The following SPNS2 variants were observed in gnomAD, a reference collection of about 807,000 sequenced individuals.
The protein encoded by SPNS2 is sphingosine-1-phosphate transporter SPNS2.
SPNS2 carries 37 observed loss-of-function variants against 57.6 expected under a neutral mutation model. The ratio of observed to expected loss-of-function variants is 0.64; its 90% confidence interval spans 0.49 to 0.85. The LOEUF (loss-of-function observed/expected upper bound fraction) is 0.85, where lower values mean the gene tolerates loss of function less well. Ranked by LOEUF, SPNS2 falls within the 40% of genes least tolerant of loss-of-function variation. The pLI is 0.00. For synonymous variants in SPNS2, 440 were observed against 346.9 expected (o/e 1.27, Z -2.98); for missense variants, 831 against 779.1 (o/e 1.07, Z -0.79).
rs538288530 is a variant in SPNS2, at chr17:4,500,003, G to GGGA, written c.370+589_370+591dup. Among the ~76,000 whole-genome samples the GGGA allele has an allele frequency of 3.2e-4, 48 of 152,328 alleles. No homozygotes were observed. The South Asian group carries it at 8.7e-3, about 28-fold the overall frequency. On this transcript the variant is annotated intron_variant, in intron 1 of 12. Coordinates refer to ENST00000329078, the MANE Select transcript of SPNS2 (RefSeq NM_001124758.3). Reference sequence around the variant, plus strand: ...AAGGCTCCGGGCTGCGGGGAGCGGAGGGAGGGGCGGGGCGGGTCCGCGGCG... The same window carrying GGGA: ...AAGGCTCCGGGCTGCGGGGAGCGGAGGGAGGAGGGGCGGGGCGGGTCCGCGGCG...
rs1904359026 is a variant in SPNS2 at position 4,499,007 on chromosome 17, C to T, written c.-41C>T. 1.0e-6 allele frequency: 1 copy of T among 982,608 alleles called. No homozygotes were observed. The highest frequency in any genetic ancestry group is 4.7e-5 in the South Asian group (1 of 21,302). The allele number at this position is 982,608 out of a possible 1,614,324, so 60.9% of individuals were successfully genotyped here. ...GCGCTGAGCGGGCCCAGCCTGGGCC[C>T]CGCGCCCCCCGCGCCCCCCGCCGCC... On this transcript the variant is annotated 5_prime_UTR_variant, in exon 1 of 13. Transcript: ENST00000329078. This position sits in a 1 kb window ranked among gnomAD's most constrained non-coding sequence, Gnocchi z 5.2.
intron 5 of SPNS2, 39 bp from the exon 6 acceptor site, chr17:4,532,503 C>T (rs1905533675): frequency 6.2e-7 from 1 of 1,613,962 alleles, no homozygotes; most frequent in Non-Finnish European, 8.5e-7. Context: ...GGACGAGGCT[C>T]ACTGGGCCCT....
chr17:4,514,294 T>G (rs552398668), intron 2 of SPNS2, among the ~76,000 whole-genome samples: 17 of 152,188 alleles, frequency 1.1e-4, no homozygotes, highest in Non-Finnish European at 2.4e-4. Flanking sequence ...CCCCGTCAGA[T>G]GCAGGATGAG....
chr17:4,516,309 A>G (rs1361787689), intron 2 of SPNS2, among the ~76,000 whole-genome samples: 23 of 105,850 alleles, frequency 2.2e-4, no homozygotes, highest in African/African-American at 7.5e-4. Context: ...GTGAGACTCT[A>G]TCTCCCCAAA....
intron 1 of SPNS2, among the ~76,000 whole-genome samples, chr17:4,507,300 C>T (rs185580301): frequency 6.6e-6 from 1 of 152,350 alleles, no homozygotes; most frequent in Admixed American, 6.5e-5. Context: ...TTTCAGATTG[C>T]TAGGCCCTGT....
At chr17:4,531,004 T>C in intron 4 of SPNS2, 49 bp from the exon 5 acceptor site, 1 of 1,603,390 alleles carries the variant, frequency 6.2e-7, no homozygotes, top group Non-Finnish European at 8.5e-7. Context: ...GCACTCCCTG[T>C]CCCCAGCCCC....
Position 4,499,602 on chromosome 17 carries a change from A to G in SPNS2, c.370+185A>G, listed in dbSNP as rs540012168. ...GGATGCCTCCGTGCACCACGGGTACAATCCAGCTCCCCGCTCATACACACC... is the reference window on the plus strand; with the variant it reads ...GGATGCCTCCGTGCACCACGGGTACGATCCAGCTCCCCGCTCATACACACC... On this transcript the variant is annotated intron_variant, in intron 1 of 12. Coordinates refer to ENST00000329078, the MANE Select transcript of SPNS2 (RefSeq NM_001124758.3). This position sits in a 1 kb window ranked among gnomAD's most constrained non-coding sequence, Gnocchi z 5.2. 9.5e-6 allele frequency: 4 copies of G among 418,894 alleles called. No individual in the cohort carries two copies. In the Admixed American group the frequency reaches 1.8e-4, roughly 19 times the overall value. 25.9% of individuals were successfully genotyped at this position (418,894 alleles called of 1,614,324 possible). A position where few individuals can be genotyped will look rare whatever the true frequency, so the allele number is the denominator to read the frequency against.
intron 10 of SPNS2, 37 bp downstream of exon 10, chr17:4,536,211 T>TG (rs768362904): frequency 1.6e-5 from 26 of 1,608,304 alleles, no homozygotes; most frequent in East Asian, 4.5e-5. Context: ...CAGGGCAGGC[T>TG]GGGGGACTGC....
chr17:4,538,783 G>A lies in SPNS2; in HGVS notation c.*1335G>A, dbSNP rs192253701. On this transcript the variant is annotated 3_prime_UTR_variant, in exon 13 of 13. Coordinates refer to ENST00000329078, the MANE Select transcript of SPNS2 (RefSeq NM_001124758.3). ...CACCCACCAAGCTCTGGGGTACCCCGAGGGCCTGACAAGAGGATGGGGTGG... is the reference window on the plus strand; with the variant it reads ...CACCCACCAAGCTCTGGGGTACCCCAAGGGCCTGACAAGAGGATGGGGTGG... 2,340 of 745,386 alleles carry A rather than the reference G, an allele frequency of 3.1e-3. 33 individuals are homozygous for A. The highest frequency in any genetic ancestry group is 0.024 in the South Asian group (1,718 of 70,348). 46.2% of individuals were successfully genotyped at this position (745,386 alleles called of 1,614,324 possible). A position where few individuals can be genotyped will look rare whatever the true frequency, so the allele number is the denominator to read the frequency against.
At chr17:4,526,611 AAAAAAG>A (rs1905268968) in intron 3 of SPNS2, among the ~76,000 whole-genome samples, 1 of 152,018 alleles carries the variant, frequency 6.6e-6, no homozygotes, top group South Asian at 2.1e-4. Context: ...CTCAAAAAAA[AAAAAAG>A]AAAAAGAAAG....
intron 3 of SPNS2, among the ~76,000 whole-genome samples, 191 bp from the exon 4 acceptor site, chr17:4,530,441 T>C (rs1387188744): frequency 9.9e-5 from 15 of 152,102 alleles, no homozygotes; most frequent in Admixed American, 2.6e-4. Flanking sequence ...AGACCCACTA[T>C]ACAGAGGGGC....
At chr17:4,515,157 C>T (rs535601279) in intron 2 of SPNS2, among the ~76,000 whole-genome samples, 3 of 152,266 alleles carry the variant, frequency 2.0e-5, no homozygotes, top group Middle Eastern at 3.4e-3. Flanking sequence ...GGTTCTGTCC[C>T]AGGCTGGCTT....
chr17:4,499,441 C>A lies in SPNS2; in HGVS notation c.370+24C>A, dbSNP rs1205659144. 3.9e-6 allele frequency: 5 copies of A among 1,295,718 alleles called. No individual in the cohort carries two copies. The highest frequency in any genetic ancestry group is 4.9e-6 in the Non-Finnish European group (5 of 1,015,228). The allele number at this position is 1,295,718 out of a possible 1,614,324, so 80.3% of individuals were successfully genotyped here. On this transcript the variant is annotated intron_variant, in intron 1 of 12. Transcript: ENST00000329078. The surrounding 1 kb of genome is among the most constrained non-coding windows in gnomAD (Gnocchi z 5.2). Reference sequence around the variant, plus strand: ...AGGTGAGCGAGTGCCCCACCCAGCCCGAGGACCAAGACCCCACCCCATCCC... The same window carrying A: ...AGGTGAGCGAGTGCCCCACCCAGCCAGAGGACCAAGACCCCACCCCATCCC...
intron 1 of SPNS2, among the ~76,000 whole-genome samples, chr17:4,505,917 G>GC (rs1904664168): frequency 6.6e-6 from 1 of 152,230 alleles, no homozygotes; most frequent in African/African-American, 2.4e-5. Context: ...TTCCCTGTCA[G>GC]GCATGGGGTT....
intron 9 of SPNS2, among the ~76,000 whole-genome samples, chr17:4,535,641 G>A (rs1372536722): frequency 1.3e-5 from 2 of 152,094 alleles, no homozygotes; most frequent in Admixed American, 6.5e-5. Context: ...CTAGTGACTG[G>A]CGCCTGGGCA....
At chr17:4,513,216 G>A (rs867698918) in intron 1 of SPNS2, 31 bp from the exon 2 acceptor site, 18 of 1,611,844 alleles carry the variant, frequency 1.1e-5, no homozygotes, top group Admixed American at 1.7e-5. Context: ...CATCAGACTC[G>A]GCCAGTGAGC....
chr17:4,536,853 G>T (rs370976080), intron 11 of SPNS2, 47 bp from the exon 12 acceptor site: 2 of 1,537,964 alleles, frequency 1.3e-6, no homozygotes, highest in South Asian at 1.1e-5. Flanking sequence ...GCCCGGGCCC[G>T]GCCCCCGCTG....
chr17:4,535,419 G>A (rs912669391), intron 9 of SPNS2, among the ~76,000 whole-genome samples: 5 of 152,192 alleles, frequency 3.3e-5, no homozygotes, highest in Admixed American at 3.3e-4. Flanking sequence ...CTTGATGGGA[G>A]GTGAGGACAA....
intron 9 of SPNS2, among the ~76,000 whole-genome samples, chr17:4,535,131 C>G (rs1905713757): frequency 6.6e-6 from 1 of 152,182 alleles, no homozygotes; most frequent in Admixed American, 6.5e-5. Flanking sequence ...CAGGGGCTGC[C>G]TGGGCACCCA....
Sources: gnomAD v4.1 joint callset for allele counts (sites outside exome capture counted in the v4.1 genomes callset) on GRCh38, gnomAD v4.1.1 for gene constraint, Gnocchi (gnomAD v3.1) non-coding constraint, MANE v1.5 for transcripts, NCBI Gene and HGNC (gene_info 2026-07-23, HGNC 2026-07-21) for gene names.